BMP5: variants seen among roughly 807,000 people sequenced by gnomAD.
BMP5 encodes the protein bone morphogenetic protein 5.
BMP5 carries 23 observed loss-of-function variants against 46.6 expected under a neutral mutation model. That is an observed-to-expected ratio of 0.49 (90% CI 0.35 to 0.70). The LOEUF is 0.70. BMP5 is among the 30% of genes least tolerant of loss of function. The pLI is 0.00. For missense variants in BMP5, 545 were observed against 565.6 expected, an observed-to-expected ratio of 0.96 and a Z score of 0.37; for synonymous variants, 204 against 191.9, an observed-to-expected ratio of 1.06 and a Z score of -0.52.
intron 2 of BMP5, among the ~76,000 whole-genome samples, chr6:55,796,320 G>T (rs1775710955): frequency 6.6e-6 from 1 of 151,920 alleles, no homozygotes. Flanking sequence ...AATTTCTTTT[G>T]GTAGTCATTT....
chr6:55,805,041 T>G (rs1173902878), intron 2 of BMP5, among the ~76,000 whole-genome samples: 1 of 152,186 alleles, frequency 6.6e-6, no homozygotes, highest in African/African-American at 2.4e-5. Flanking sequence ...AAATCACCTC[T>G]TAGCAAGAGA....
chr6:55,843,789 G>T (rs572669157), intron 1 of BMP5, among the ~76,000 whole-genome samples: 1 of 152,142 alleles, frequency 6.6e-6, no homozygotes, highest in African/African-American at 2.4e-5. Flanking sequence ...CCTGAGCCAA[G>T]ATTTATATGC....
At chr6:55,802,010 AT>A (rs1345066195) in intron 2 of BMP5, among the ~76,000 whole-genome samples, 1 of 152,214 alleles carries the variant, frequency 6.6e-6, no homozygotes, top group African/African-American at 2.4e-5. Flanking sequence ...AGGAAGCTTT[AT>A]ATGATCTAAA....
intron 2 of BMP5, among the ~76,000 whole-genome samples, chr6:55,806,422 G>T (rs1409445018): frequency 6.6e-5 from 10 of 152,098 alleles, no homozygotes; most frequent in Non-Finnish European, 1.3e-4. Flanking sequence ...TTTTTCATTG[G>T]TCTATCTGTC....
chr6:55,844,483 A>G (rs1582112933), intron 1 of BMP5, among the ~76,000 whole-genome samples: 1 of 151,976 alleles, frequency 6.6e-6, no homozygotes, highest in Non-Finnish European at 1.5e-5. Context: ...TTAATGTTAT[A>G]TATTTAACTT....
rs549624638 is a variant in BMP5, at chr6:55,841,732, C to T, written c.491-21885G>A. On this transcript the variant is annotated intron_variant, in intron 1 of 6. Transcript: ENST00000370830. Reference sequence around the variant, plus strand: ...GGGGTCTTTCTGTGCATCCAAATGTCCTCTTTTTATAAAGACATTAGCTCA... The same window carrying T: ...GGGGTCTTTCTGTGCATCCAAATGTTCTCTTTTTATAAAGACATTAGCTCA... Among the ~76,000 whole-genome samples the T allele has an allele frequency of 2.0e-5, 3 of 152,134 alleles. No homozygotes were observed. In the South Asian group the frequency reaches 6.2e-4, roughly 31 times the overall value.
At chr6:55,826,061 G>A (rs1354018283) in intron 1 of BMP5, among the ~76,000 whole-genome samples, 3 of 151,728 alleles carry the variant, frequency 2.0e-5, no homozygotes, top group African/African-American at 4.8e-5. Context: ...TCGCTAACTA[G>A]TCCACCAAAA....
At chr6:55,808,992 G>A (rs183897271) in intron 2 of BMP5, among the ~76,000 whole-genome samples, 48 of 152,294 alleles carry the variant, frequency 3.2e-4, no homozygotes, top group Non-Finnish European at 4.3e-4. Flanking sequence ...CATAGATGGA[G>A]TTGGTGCCTG....
intron 1 of BMP5, among the ~76,000 whole-genome samples, chr6:55,835,709 C>G (rs994531148): frequency 5.9e-5 from 9 of 152,098 alleles, no homozygotes; most frequent in African/African-American, 1.7e-4. Context: ...TCCATTTTTC[C>G]TTTCTGAAAT....
intron 1 of BMP5, among the ~76,000 whole-genome samples, chr6:55,826,885 A>C (rs1776544341): frequency 6.6e-6 from 1 of 151,804 alleles, no homozygotes; most frequent in South Asian, 2.1e-4. Context: ...CAGAGATAAT[A>C]TCTAGGTCTT....
At chr6:55,794,225 C>G in intron 3 of BMP5, 54 bp downstream of exon 3, 3 of 1,593,100 alleles carry the variant, frequency 1.9e-6, no homozygotes, top group Non-Finnish European at 2.6e-6. Context: ...AAAACGATAA[C>G]TCTCAATGTG....
Position 55,753,900 on chromosome 6 carries a change from T to G in BMP5, c.*1633A>C, listed in dbSNP as rs373254223. The G allele has an allele frequency of 4.4e-4, 67 of 152,100 alleles. No homozygotes were observed. In the East Asian group the frequency reaches 0.011, roughly 26 times the overall value. 9.4% of individuals were successfully genotyped at this position (152,100 alleles called of 1,614,324 possible). A position where few individuals can be genotyped will look rare whatever the true frequency, so the allele number is the denominator to read the frequency against. On this transcript the variant is annotated 3_prime_UTR_variant, in exon 7 of 7. Transcript: ENST00000370830. ...TATGGAAATATATTTAAACAGCACA[T>G]TTAAAGAATAAAACAATAGACTTCC...
intron 3 of BMP5, among the ~76,000 whole-genome samples, chr6:55,785,703 C>T (rs879544688): frequency 7.3e-5 from 11 of 151,096 alleles, no homozygotes; most frequent in African/African-American, 1.7e-4. Flanking sequence ...AGTTGTTTCT[C>T]TTAGCCACAT....
At chr6:55,820,197 C>T (rs1046915476) in intron 1 of BMP5, among the ~76,000 whole-genome samples, 4 of 152,122 alleles carry the variant, frequency 2.6e-5, no homozygotes, top group Admixed American at 2.0e-4. Flanking sequence ...AATATGTTAC[C>T]GTAACCTCCA....
intron 1 of BMP5, among the ~76,000 whole-genome samples, chr6:55,834,700 C>T (rs944311563): frequency 3.9e-5 from 6 of 152,110 alleles, no homozygotes; most frequent in Admixed American, 6.6e-5. Flanking sequence ...CCCTCATTGA[C>T]TTAACTATAA....
chr6:55,777,197 T>A (rs1352139457), intron 3 of BMP5, among the ~76,000 whole-genome samples: 5 of 151,920 alleles, frequency 3.3e-5, no homozygotes, highest in Non-Finnish European at 7.4e-5. Context: ...TTATGTTGAC[T>A]AAACCTTTTC....
intron 1 of BMP5, among the ~76,000 whole-genome samples, chr6:55,856,143 A>G (rs1777391448): frequency 6.6e-6 from 1 of 152,222 alleles, no homozygotes; most frequent in South Asian, 2.1e-4. Context: ...TAGACAATAT[A>G]TAGCCCTTTG....
intron 3 of BMP5, among the ~76,000 whole-genome samples, chr6:55,774,763 C>G (rs1775131502): frequency 6.6e-6 from 1 of 151,964 alleles, no homozygotes; most frequent in African/African-American, 2.4e-5. Context: ...CTTTACTAAG[C>G]TGCACTACAC....
chr6:55,755,825 G>C, intron 6 of BMP5, 143 bp from the exon 7 acceptor site: 1 of 797,944 alleles, frequency 1.3e-6, no homozygotes, highest in Admixed American at 2.3e-5. Context: ...CCATGACTGG[G>C]GTGGGGGACT....
Sources: allele counts gnomAD v4.1 joint callset (sites outside exome capture counted in the v4.1 genomes callset), GRCh38; gene constraint gnomAD v4.1.1; transcripts MANE v1.5; gene names NCBI Gene and HGNC (gene_info 2026-07-23, HGNC 2026-07-21).